Variants in GRIK4 observed in about 807,000 individuals in gnomAD.
GRIK4 encodes glutamate receptor ionotropic, kainate 4.
A neutral mutation model predicts 104.9 loss-of-function variants in GRIK4; 40 were observed. The ratio of observed to expected loss-of-function variants is 0.38; its 90% CI spans 0.30 to 0.50. GRIK4 has a LOEUF of 0.50. GRIK4 is among the 20% of genes least tolerant of loss of function. The pLI is 0.93. For missense variants in GRIK4, 1,047 were observed against 1,308.1 expected, an observed-to-expected ratio of 0.80 and a Z score of 3.08; for synonymous variants, 485 against 524.9, an observed-to-expected ratio of 0.92 and a Z score of 1.04.
At chr11:120,552,925 G>A (rs910765725) in intron 1 of GRIK4, among the ~76,000 whole-genome samples, 2 of 151,882 alleles carry the variant, frequency 1.3e-5, no homozygotes, top group Non-Finnish European at 2.9e-5. Flanking sequence ...ACTGGAACCC[G>A]GGAGGCAGAG....
intron 3 of GRIK4, among the ~76,000 whole-genome samples, chr11:120,740,914 C>T (rs1181117380): frequency 1.3e-5 from 2 of 152,136 alleles, no homozygotes; most frequent in Admixed American, 1.3e-4. Context: ...TTATTTGACG[C>T]AAGATCTGAG....
In GRIK4 at chr11:120,982,203, C is replaced by A; in HGVS notation, c.2493C>A (p.Leu831=). 6.3e-7 allele frequency: 1 copy of A among 1,599,612 alleles called. No homozygotes were observed. Among genetic ancestry groups the A allele is most frequent in the Non-Finnish European group, 8.6e-7 (1 of 1,166,788 alleles). Residue 831 remains leucine, a synonymous_variant, in exon 20 of 21, where the codon CTC becomes CTA. Coordinates refer to ENST00000527524, the MANE Select transcript of GRIK4 (RefSeq NM_014619.5). ...CTATGTTGGAGTTTTTATGGACTCT[C>A]AGACACTCAGAAGCAACTGAGGTAA... ...FMAMLEFLWT[L]RHSEATEVSV... is the part of the protein sequence containing the mutation.
intron 11 of GRIK4, among the ~76,000 whole-genome samples, chr11:120,883,790 T>C (rs562506379): frequency 6.6e-6 from 1 of 152,338 alleles, no homozygotes; most frequent in Admixed American, 6.5e-5. Flanking sequence ...ATGTATTTCT[T>C]ATAATGTGCC....
intron 3 of GRIK4, among the ~76,000 whole-genome samples, chr11:120,706,874 A>T (rs936448455): frequency 1.8e-4 from 27 of 152,220 alleles, no homozygotes; most frequent in Middle Eastern, 3.4e-3. Flanking sequence ...TCCTGCAAGT[A>T]CTGTCTTTAT....
chr11:120,866,212 G>T (rs1220664089), intron 9 of GRIK4, among the ~76,000 whole-genome samples: 1 of 152,282 alleles, frequency 6.6e-6, no homozygotes, highest in East Asian at 1.9e-4. Flanking sequence ...GCTGTTATCC[G>T]GATGCGCCAT....
intron 14 of GRIK4, among the ~76,000 whole-genome samples, chr11:120,945,645 A>T (rs1314695484): frequency 1.3e-5 from 2 of 152,200 alleles, no homozygotes; most frequent in African/African-American, 4.8e-5. Flanking sequence ...AGGACAAGTG[A>T]CCCAAATTCT....
chr11:120,593,403 C>T (rs1948760158), intron 1 of GRIK4, among the ~76,000 whole-genome samples: 1 of 152,150 alleles, frequency 6.6e-6, no homozygotes. Flanking sequence ...ATCCTGTGGA[C>T]ACTCTGCTGT....
chr11:120,866,654 G>T (rs1259130967), intron 9 of GRIK4, among the ~76,000 whole-genome samples: 3 of 152,140 alleles, frequency 2.0e-5, no homozygotes, highest in African/African-American at 7.2e-5. Context: ...GAGTAAAGAT[G>T]GGCTGAGCTG....
intron 1 of GRIK4, among the ~76,000 whole-genome samples, chr11:120,653,218 A>T (rs1261425768): frequency 6.6e-6 from 1 of 152,236 alleles, no homozygotes; most frequent in African/African-American, 2.4e-5. Flanking sequence ...TATTCAAAGT[A>T]CAAGCATGGA....
intron 3 of GRIK4, among the ~76,000 whole-genome samples, chr11:120,715,928 G>A (rs1950823939): frequency 6.6e-6 from 1 of 152,098 alleles, no homozygotes; most frequent in African/African-American, 2.4e-5. Context: ...AAGCACAGTG[G>A]ATTCCAGGTG....
intron 1 of GRIK4, among the ~76,000 whole-genome samples, chr11:120,621,222 G>A (rs552210309): frequency 2.0e-5 from 3 of 152,116 alleles, no homozygotes; most frequent in African/African-American, 4.8e-5. Context: ...CTGCAGGGTC[G>A]GTGGATGATC....
At chr11:120,594,313 T>TA (rs897328066) in intron 1 of GRIK4, among the ~76,000 whole-genome samples, 2 of 151,964 alleles carry the variant, frequency 1.3e-5, no homozygotes, top group Non-Finnish European at 2.9e-5. Flanking sequence ...CCCCGTGTCT[T>TA]AAAAAATATA....
intron 3 of GRIK4, among the ~76,000 whole-genome samples, chr11:120,754,259 G>T (rs1951614412): frequency 1.3e-5 from 2 of 152,144 alleles, no homozygotes; most frequent in Admixed American, 1.3e-4. Flanking sequence ...TCATCTGCCT[G>T]CCTCAGCCTC....
intron 3 of GRIK4, among the ~76,000 whole-genome samples, chr11:120,703,291 G>A (rs1274176418): frequency 6.6e-6 from 1 of 152,184 alleles, no homozygotes; most frequent in Non-Finnish European, 1.5e-5. Flanking sequence ...AAACCTGGGT[G>A]TTCTGATCCA....
chr11:120,572,211 C>T (rs1285163073), intron 1 of GRIK4, among the ~76,000 whole-genome samples: 1 of 152,236 alleles, frequency 6.6e-6, no homozygotes, highest in East Asian at 1.9e-4. Flanking sequence ...GAGGGCTCCA[C>T]CCTCCTGATC....
chr11:120,632,362 A>G (rs991584340), intron 1 of GRIK4, among the ~76,000 whole-genome samples: 6 of 152,148 alleles, frequency 3.9e-5, no homozygotes, highest in Non-Finnish European at 2.9e-5. Flanking sequence ...CATCCACCTC[A>G]TAGATTTATA....
intron 3 of GRIK4, among the ~76,000 whole-genome samples, chr11:120,746,639 A>G (rs1408993244): frequency 6.6e-6 from 1 of 152,192 alleles, no homozygotes; most frequent in Non-Finnish European, 1.5e-5. Flanking sequence ...CTTACCCAAA[A>G]GGGGGAATTA....
chr11:120,814,736 C>G (rs1219273379), intron 4 of GRIK4, among the ~76,000 whole-genome samples: 4 of 152,208 alleles, frequency 2.6e-5, no homozygotes, highest in African/African-American at 9.6e-5. Flanking sequence ...AGGACGGGAC[C>G]TGCTCTACCT....
Position 120,967,403 on chromosome 11 carries a change from CATA to C in GRIK4, c.2395+83_2395+85del. 2.0e-6 allele frequency: 3 copies of C among 1,464,988 alleles called. No homozygotes were observed. The highest frequency in any genetic ancestry group is 2.8e-6 in the Non-Finnish European group (3 of 1,077,748). 90.7% of individuals were successfully genotyped at this position (1,464,988 alleles called of 1,614,324 possible). A position where few individuals can be genotyped will look rare whatever the true frequency, so the allele number is the denominator to read the frequency against. On this transcript the variant is annotated intron_variant, in intron 19 of 20. Coordinates refer to ENST00000527524, the MANE Select transcript of GRIK4 (RefSeq NM_014619.5). The surrounding 1 kb of genome is among the most constrained non-coding windows in gnomAD (Gnocchi z 4.2). ...TTCTCGTGTTCAAATTCCAGGTACA[CATA>C]ATGACTTGTAGGACCCATTGAGAAC...
Sources: allele counts gnomAD v4.1 joint callset (sites outside exome capture counted in the v4.1 genomes callset), GRCh38; gene constraint gnomAD v4.1.1; non-coding constraint Gnocchi (gnomAD v3.1); transcripts MANE v1.5; gene names NCBI Gene and HGNC (gene_info 2026-07-23, HGNC 2026-07-21).